Variants in DLC1 observed in about 807,000 individuals in gnomAD.
DLC1 encodes DLC1 Rho GTPase activating protein, also known as rho GTPase-activating protein 7.
Under a neutral mutation model 140.3 loss-of-function variants are expected in DLC1, and 54 were observed. The ratio of observed to expected loss-of-function variants is 0.38; its 90% CI spans 0.31 to 0.48. DLC1 has a LOEUF of 0.48. Among genes scored for constraint, DLC1 ranks in the 20% least tolerant of loss-of-function variants. DLC1 has a pLI of 0.96. For synonymous variants in DLC1, 986 were observed against 728.1 expected (o/e 1.35, Z -5.70); for missense variants, 2,536 against 1,907.0 (o/e 1.33, Z -6.14).
chr8:13,233,680 T>C (rs887371847), intron 5 of DLC1, among the ~76,000 whole-genome samples: 14 of 152,236 alleles, frequency 9.2e-5, no homozygotes. Context: ...TCAATTTCAA[T>C]AGAACATTTA....
chr8:13,374,375 A>G (rs1835869697), intron 4 of DLC1, among the ~76,000 whole-genome samples: 2 of 152,182 alleles, frequency 1.3e-5, no homozygotes, highest in South Asian at 2.1e-4. Flanking sequence ...GCAGTTCAAG[A>G]TCAAGCATTG....
chr8:13,230,443 G>T (rs969248222), intron 5 of DLC1, among the ~76,000 whole-genome samples: 2 of 152,140 alleles, frequency 1.3e-5, no homozygotes, highest in Non-Finnish European at 2.9e-5. Flanking sequence ...ATAAAGCAAG[G>T]TTAGGTGGCA....
At chr8:13,560,553 G>T (rs541478452) in intron 1 of DLC1, among the ~76,000 whole-genome samples, 2 of 152,118 alleles carry the variant, frequency 1.3e-5, no homozygotes, top group African/African-American at 2.4e-5. Flanking sequence ...GACCCCAAAA[G>T]CAGATTGTGT....
intron 2 of DLC1, among the ~76,000 whole-genome samples, chr8:13,469,507 A>C (rs59083793): frequency 0.25 from 38,301 of 152,080 alleles, 5,826 homozygotes; most frequent in Middle Eastern, 0.38. Flanking sequence ...CATTGTGGCC[A>C]TTAAAAGCAA....
At chr8:13,190,804 T>C (rs1335782237) in intron 5 of DLC1, among the ~76,000 whole-genome samples, 1 of 152,102 alleles carries the variant, frequency 6.6e-6, no homozygotes, top group Non-Finnish European at 1.5e-5. Context: ...GTTAGAGTGA[T>C]GCTGACCTCA....
Position 13,321,558 on chromosome 8 carries a change from AAAAAAAAAG to A in DLC1, c.1315-16265_1315-16257del, listed in dbSNP as rs1331993861. ...TCTCAAAAAAGAAAAAAAAAAAAAAAAAAAAAAAGAAACCTAAACAGTTTAGAGCATTTT... is the reference window on the plus strand; with the variant it reads ...TCTCAAAAAAGAAAAAAAAAAAAAAAAAACCTAAACAGTTTAGAGCATTTT... On this transcript the variant is annotated intron_variant, in intron 4 of 17. Transcript: ENST00000276297. Among the ~76,000 whole-genome samples the A allele has an allele frequency of 8.8e-4, 133 of 150,548 alleles. 26 individuals carry two copies. Among genetic ancestry groups the A allele is most frequent in the African/African-American group, 1.2e-3 (49 of 40,876 alleles).
intron 1 of DLC1, among the ~76,000 whole-genome samples, chr8:13,527,536 T>C (rs183836805): frequency 5.3e-5 from 8 of 152,258 alleles, no homozygotes; most frequent in African/African-American, 1.9e-4. Context: ...TAACTGTCTG[T>C]TGTTTTATTC....
intron 1 of DLC1, among the ~76,000 whole-genome samples, chr8:13,539,779 C>A (rs56380133): frequency 1.5e-5 from 2 of 129,156 alleles, no homozygotes; most frequent in African/African-American, 2.9e-5. Context: ...TGTGTGTGTA[C>A]ATTTTATAGT....
intron 1 of DLC1, among the ~76,000 whole-genome samples, chr8:13,548,174 A>G (rs927000464): frequency 2.0e-5 from 3 of 152,024 alleles, no homozygotes; most frequent in African/African-American, 7.2e-5. Flanking sequence ...TAAAAGTTCA[A>G]TATCTTGTTG....
chr8:13,367,028 T>C (rs1210596741), intron 4 of DLC1, among the ~76,000 whole-genome samples: 1 of 152,174 alleles, frequency 6.6e-6, no homozygotes, highest in African/African-American at 2.4e-5. Flanking sequence ...TCCTTTCCCT[T>C]TCCTCTCCAT....
At chr8:13,276,441 C>T (rs1395934607) in intron 5 of DLC1, 1 of 1,423,728 alleles carries the variant, frequency 7.0e-7, no homozygotes, top group African/African-American at 1.5e-5. Flanking sequence ...GCGCCGCGAC[C>T]ATGCCTCGGT....
At position 13,542,888 on chromosome 8, in the gene DLC1, CTAGA is replaced by C. The variant is rs1283281731; in HGVS notation, c.-125-42696_-125-42693del. 2.0e-5 allele frequency among the ~76,000 whole-genome samples: 3 copies of C among 151,856 alleles called. No homozygotes were observed. The East Asian group carries it at 5.8e-4, about 29-fold the overall frequency. ...TGTTGATTCCCTATGAGTTTTTTAC[CTAGA>C]TAATTACGTAGTCTATTACTGAAGA... On this transcript the variant is annotated intron_variant, in intron 1 of 1. Coordinates refer to the DLC1 transcript ENST00000631382.
intron 2 of DLC1, 96 bp from the exon 3 acceptor site, chr8:13,401,715 G>C: frequency 1.4e-6 from 2 of 1,437,454 alleles, no homozygotes; most frequent in Non-Finnish European, 1.9e-6. Context: ...AAGTACACTG[G>C]ATAATAGGCA....
intron 2 of DLC1, among the ~76,000 whole-genome samples, chr8:13,440,945 T>G (rs1798479105): frequency 6.6e-6 from 1 of 152,118 alleles, no homozygotes; most frequent in South Asian, 2.1e-4. Context: ...ATCAGCAGCA[T>G]GAAAACGGTG....
chr8:13,505,812 C>T (rs1212103684), intron 1 of DLC1, among the ~76,000 whole-genome samples: 1 of 152,170 alleles, frequency 6.6e-6, no homozygotes, highest in African/African-American at 2.4e-5. Context: ...AACAGGTATT[C>T]TTAGGAATTG....
chr8:13,352,522 C>A (rs544246522), intron 4 of DLC1, among the ~76,000 whole-genome samples: 1 of 152,078 alleles, frequency 6.6e-6, no homozygotes, highest in East Asian at 1.9e-4. Flanking sequence ...GCTGGGACTA[C>A]AGGCATGCAC....
In DLC1 at chr8:13,084,981, G is replaced by C. The variant is rs879373832; in HGVS notation, c.*830C>G. 1 of 152,226 alleles carries C rather than the reference G, an allele frequency of 6.6e-6. No homozygotes were observed. Among genetic ancestry groups the C allele is most frequent in the East Asian group, 1.9e-4 (1 of 5,196 alleles). The allele number at this position is 152,226 out of a possible 1,614,324, so 9.4% of individuals were successfully genotyped here. A position where few individuals can be genotyped will look rare whatever the true frequency, so the allele number is the denominator to read the frequency against. On this transcript the variant is annotated 3_prime_UTR_variant, in exon 18 of 18. Coordinates refer to ENST00000276297, the MANE Select transcript of DLC1 (RefSeq NM_182643.3). ...AAAACAAAACAAAACAAAACCCTGT[G>C]GATCAGAGCCAGTAAGGCTAGAGGG...
intron 5 of DLC1, among the ~76,000 whole-genome samples, chr8:13,185,501 A>T (rs1172587091): frequency 6.6e-6 from 1 of 151,638 alleles, no homozygotes; most frequent in Non-Finnish European, 1.5e-5. Flanking sequence ...TAGAGACAGG[A>T]TTTCACTGTG....
chr8:13,340,630 A>G (rs1446839275), intron 4 of DLC1: 1 of 152,156 alleles, frequency 6.6e-6, no homozygotes, highest in Non-Finnish European at 1.5e-5. Context: ...TCTGCTCCTA[A>G]TTTCCTTTCC....
Sources: gnomAD v4.1 joint callset for allele counts (sites outside exome capture counted in the v4.1 genomes callset) on GRCh38, gnomAD v4.1.1 for gene constraint, MANE v1.5 for transcripts, NCBI Gene and HGNC (gene_info 2026-07-23, HGNC 2026-07-21) for gene names.